NEMF: variants seen among roughly 807,000 people sequenced by gnomAD.
NEMF encodes the protein ribosome quality control complex subunit NEMF.
Under a neutral mutation model 162.2 loss-of-function variants are expected in NEMF, and 89 were observed. That is an observed-to-expected ratio of 0.55 (90% CI 0.46 to 0.65). NEMF has a LOEUF of 0.65. Among genes scored for constraint, NEMF ranks in the 30% least tolerant of loss-of-function variants. The pLI is 0.00. For synonymous variants in NEMF, 421 were observed against 404.5 expected (o/e 1.04, Z -0.49); for missense variants, 1,133 against 1,261.9 (o/e 0.90, Z 1.55).
intron 25 of NEMF, 98 bp downstream of exon 25, chr14:49,799,377 G>A (rs35690553): frequency 0.99 from 1,015,059 of 1,028,442 alleles, 501,927 homozygotes; most frequent in Non-Finnish European, 1. Context: ...TTTAATGAAG[G>A]AAGTCTTTAA....
chr14:49,783,953 CTAT>C lies in NEMF; in HGVS notation c.*680_*682del, dbSNP rs1417624802. 1 of 151,954 alleles carries C rather than the reference CTAT, an allele frequency of 6.6e-6. No homozygotes were observed. The highest frequency in any genetic ancestry group is 1.5e-5 in the Non-Finnish European group (1 of 67,978). The allele number at this position is 151,954 out of a possible 1,614,324, so 9.4% of individuals were successfully genotyped here. On this transcript the variant is annotated 3_prime_UTR_variant, in exon 33 of 33. Coordinates refer to ENST00000298310, the MANE Select transcript of NEMF (RefSeq NM_004713.6). ...AATATTTAAACCCCTTGTAGCTGGC[CTAT>C]AATATATATATATTAGATGTTATAT...
chr14:49,800,693 C>G lies in NEMF; in HGVS notation c.2099G>C (p.Gly700Ala), dbSNP rs1446630004. 3 of 1,611,628 alleles carry G rather than the reference C, an allele frequency of 1.9e-6. No individual in the cohort carries two copies. The highest frequency in any genetic ancestry group is 2.5e-6 in the Non-Finnish European group (3 of 1,178,978). Reference protein sequence around the residue: ...LISEEMEQLDGGDTSSDEDKE... With the variant: ...LISEEMEQLDAGDTSSDEDKE... ...ATCCTCATCACTGCTCGTGTCACCT[C>G]CATCTGTAGAATTATCATAAGGAAA... The change falls in exon 23 of 33, where the codon GGA becomes GCA. Residue 700 changes from glycine (G) to alanine (A), a missense_variant. Gly to Ala is a moderately conservative substitution (Grantham distance 60). This residue lies in a region of NEMF where 532 missense variants were observed against 578.6 expected (regional missense o/e 0.92). Transcript: ENST00000298310.
intron 20 of NEMF, 74 bp downstream of exon 20, chr14:49,803,163 T>C: frequency 9.1e-7 from 1 of 1,094,638 alleles, no homozygotes; most frequent in Non-Finnish European, 1.4e-6. Flanking sequence ...TCTAAGAGTA[T>C]TTGTAAACTG....
Position 49,813,528 on chromosome 14 carries a change from A to C in NEMF, c.1744+460T>G, listed in dbSNP as rs534420221. ...AGTCCTCAACTATTATTGTAGAACT[A>C]TCTCTCTCTCCCTTCAATTCTGTCA... On this transcript the variant is annotated intron_variant, in intron 18 of 32. Coordinates refer to ENST00000298310, the MANE Select transcript of NEMF (RefSeq NM_004713.6). Among the ~76,000 whole-genome samples, 110 of 152,268 alleles carry C rather than the reference A, an allele frequency of 7.2e-4. 1 individual carries two copies. In the East Asian group the frequency reaches 7.3e-3, roughly 10 times the overall value.
chr14:49,849,933 T>A (rs1403670951), intron 3 of NEMF, among the ~76,000 whole-genome samples: 1 of 152,170 alleles, frequency 6.6e-6, no homozygotes, highest in Non-Finnish European at 1.5e-5. Context: ...AACACTTACC[T>A]AATTTGTAAT....
intron 6 of NEMF, 92 bp from the exon 7 acceptor site, chr14:49,834,541 C>A (rs1343790405): frequency 7.0e-6 from 6 of 858,768 alleles, no homozygotes; most frequent in Admixed American, 2.2e-5. Flanking sequence ...GTCGCCCAGG[C>A]CGGAGTGCAA....
At chr14:49,838,289 A>G (rs1018873791) in intron 5 of NEMF, 83 bp from the exon 6 acceptor site, 3 of 1,083,652 alleles carry the variant, frequency 2.8e-6, no homozygotes, top group Non-Finnish European at 4.3e-6. Flanking sequence ...TTTCATCTGT[A>G]TCAGTTCACC....
chr14:49,829,594 T>A (rs971308710), intron 11 of NEMF, among the ~76,000 whole-genome samples, 168 bp from the exon 12 acceptor site: 1 of 152,190 alleles, frequency 6.6e-6, no homozygotes, highest in Non-Finnish European at 1.5e-5. Context: ...ATGCGTTCCA[T>A]GCCCCAAAAT....
chr14:49,823,381 A>AT (rs1256202020), intron 16 of NEMF, among the ~76,000 whole-genome samples: 1 of 151,804 alleles, frequency 6.6e-6, no homozygotes, highest in Non-Finnish European at 1.5e-5. Context: ...AAACTTATTT[A>AT]TTTTTTTAAA....
At chr14:49,813,453 G>C (rs137876608) in intron 18 of NEMF, among the ~76,000 whole-genome samples, 1 of 152,118 alleles carries the variant, frequency 6.6e-6, no homozygotes, top group African/African-American at 2.4e-5. Context: ...CCATTTCCTT[G>C]CTGATTCTGT....
At position 49,840,862 on chromosome 14, in the gene NEMF, T is replaced by C; in HGVS notation, c.362A>G (p.Asn121Ser). 6.2e-7 allele frequency: 1 copy of C among 1,604,826 alleles called. No homozygotes were observed. The highest frequency in any genetic ancestry group is 8.5e-7 in the Non-Finnish European group (1 of 1,177,298). ...HLIIELYDRGNIVLTDYEYVI... is the reference protein window; with the variant it reads ...HLIIELYDRGSIVLTDYEYVI... ...GTACTCATAATCTGTAAGAACAATG[T>C]TCCCCTGCAATAAAATAAAATACAA... Residue 121 changes from asparagine to serine, a missense_variant, in exon 5 of 33, where the codon AAC (asparagine) becomes AGC (serine). By Grantham distance (46) the Asn-to-Ser change is conservative. Around this residue, in one of 3 missense-constraint regions of NEMF, gnomAD observed 582 missense variants for 631.5 expected, o/e 0.92. Coordinates refer to ENST00000298310, the MANE Select transcript of NEMF (RefSeq NM_004713.6).
At chr14:49,802,918 A>G (rs1168320716) in intron 20 of NEMF, among the ~76,000 whole-genome samples, 191 bp from the exon 21 acceptor site, 1 of 152,188 alleles carries the variant, frequency 6.6e-6, no homozygotes, top group African/African-American at 2.4e-5. Flanking sequence ...GAAGTAAAAA[A>G]TATACACACT....
intron 4 of NEMF, 101 bp downstream of exon 4, chr14:49,846,039 T>C: frequency 1.0e-6 from 1 of 988,904 alleles, no homozygotes; most frequent in East Asian, 2.6e-5. Flanking sequence ...TAACAACCTT[T>C]GACACAGAAA....
At chr14:49,825,125 G>A (rs994497704) in intron 16 of NEMF, among the ~76,000 whole-genome samples, 2 of 152,046 alleles carry the variant, frequency 1.3e-5, no homozygotes, top group African/African-American at 4.8e-5. Context: ...AGCAAGGAAG[G>A]AAAAAGAAAA....
In NEMF at chr14:49,828,630, A is replaced by G. The variant is rs371405135; in HGVS notation, c.1410T>C (p.Tyr470=). 1 of 1,569,492 alleles carries G rather than the reference A, an allele frequency of 6.4e-7. No individual in the cohort carries two copies. The highest frequency in any genetic ancestry group is 1.2e-5 in the South Asian group (1 of 81,562). The change falls in exon 14 of 33, where the codon TAT becomes TAC. Residue 470 remains tyrosine (Y), a synonymous_variant. Coordinates refer to ENST00000298310, the MANE Select transcript of NEMF (RefSeq NM_004713.6). ...AAATGACTTACTTTTTGGCATTGGC[A>G]TATGCTGACAAGCTGAGATCAACAT... ...LVDVDLSLSA[Y]ANAKKYYDHK...
At chr14:49,791,617 G>A (rs1890453601) in intron 26 of NEMF, among the ~76,000 whole-genome samples, 1 of 151,652 alleles carries the variant, frequency 6.6e-6, no homozygotes, top group South Asian at 2.1e-4. Context: ...CACGCCTGTA[G>A]TCCCAGCTAC....
At chr14:49,834,018 T>C in intron 7 of NEMF, 1 of 403,400 alleles carries the variant, frequency 2.5e-6, no homozygotes, top group South Asian at 2.0e-5. Flanking sequence ...GTGCACTGAT[T>C]TAGTATATTG....
intron 6 of NEMF, among the ~76,000 whole-genome samples, chr14:49,836,283 T>C (rs986992748): frequency 2.0e-5 from 3 of 151,446 alleles, no homozygotes; most frequent in Non-Finnish European, 4.4e-5. Context: ...TCTCAAATAA[T>C]AGTAATAATG....
chr14:49,838,545 G>T (rs1893020009), intron 5 of NEMF, among the ~76,000 whole-genome samples: 1 of 149,014 alleles, frequency 6.7e-6, no homozygotes. Flanking sequence ...ATCCAAAATG[G>T]TTTACCTAAT....
Sources: allele counts gnomAD v4.1 joint callset (sites outside exome capture counted in the v4.1 genomes callset), GRCh38; gene constraint gnomAD v4.1.1; regional missense constraint gnomAD v4.1.1; transcripts MANE v1.5; gene names NCBI Gene and HGNC (gene_info 2026-07-23, HGNC 2026-07-21).